LRP1B: variants seen among roughly 807,000 people sequenced by gnomAD.
LRP1B encodes the protein LDL receptor related protein 1B.
A neutral mutation model predicts 556.6 loss-of-function variants in LRP1B; 217 were observed. The ratio of observed to expected loss-of-function variants is 0.39; its 90% CI spans 0.35 to 0.44. The LOEUF (loss-of-function observed/expected upper bound fraction) is 0.44. LRP1B is among the 20% of genes least tolerant of loss of function. The pLI is 1.00. For synonymous variants in LRP1B, 2,047 were observed against 1,865.8 expected, an observed-to-expected ratio of 1.10 and a Z score of -2.50; for missense variants, 5,053 against 5,620.8, an observed-to-expected ratio of 0.90 and a Z score of 3.23.
chr2:141,645,469 CTTTTTTTTTTTTT>C (rs750147915), intron 2 of LRP1B, among the ~76,000 whole-genome samples: 13 of 48,402 alleles, frequency 2.7e-4, no homozygotes, highest in Middle Eastern at 0.017. Flanking sequence ...GAAGACAAGG[CTTTTTTTTTTTTT>C]TTTTTTTTTT....
chr2:142,053,821 C>G (rs1471287991), intron 1 of LRP1B, among the ~76,000 whole-genome samples: 1 of 152,140 alleles, frequency 6.6e-6, no homozygotes, highest in Non-Finnish European at 1.5e-5. Context: ...GGTCCAGTCT[C>G]TTGACACTAA....
At chr2:140,447,828 C>T (rs2105309730) in intron 63 of LRP1B, among the ~76,000 whole-genome samples, 1 of 152,016 alleles carries the variant, frequency 6.6e-6, no homozygotes, top group East Asian at 1.9e-4. Context: ...CACTTAGAGA[C>T]CATTGTGGGC....
chr2:140,433,866 T>G (rs1686058524), intron 66 of LRP1B, among the ~76,000 whole-genome samples: 1 of 151,392 alleles, frequency 6.6e-6, no homozygotes, highest in African/African-American at 2.4e-5. Context: ...TCAGTCAAAA[T>G]GCAAGGGTAT....
At chr2:140,379,042 G>T (rs1273531123) in intron 67 of LRP1B, among the ~76,000 whole-genome samples, 1 of 152,200 alleles carries the variant, frequency 6.6e-6, no homozygotes, top group Admixed American at 6.5e-5. Flanking sequence ...GGAAAATGAA[G>T]TAGGATTTCA....
chr2:141,916,358 T>TATTTA (rs1700032025), intron 1 of LRP1B, among the ~76,000 whole-genome samples: 1 of 149,196 alleles, frequency 6.7e-6, no homozygotes, highest in Admixed American at 6.7e-5. Context: ...CTTATTTATT[T>TATTTA]ATTTATTTAT....
chr2:141,227,548 C>T (rs889022039), intron 6 of LRP1B, among the ~76,000 whole-genome samples: 1 of 152,148 alleles, frequency 6.6e-6, no homozygotes, highest in East Asian at 1.9e-4. Context: ...ATGACCATTT[C>T]TCCATAGAAT....
At chr2:141,621,432 G>T (rs1232289748) in intron 2 of LRP1B, among the ~76,000 whole-genome samples, 1 of 152,088 alleles carries the variant, frequency 6.6e-6, no homozygotes, top group Non-Finnish European at 1.5e-5. Context: ...ATACAGAGAT[G>T]AATTCAGGCA....
At chr2:141,331,454 C>T (rs979107080) in intron 3 of LRP1B, among the ~76,000 whole-genome samples, 8 of 148,758 alleles carry the variant, frequency 5.4e-5, no homozygotes, top group African/African-American at 1.8e-4. Context: ...GCTGAGGAGC[C>T]ATGAGCTCAG....
At chr2:141,338,239 C>A in intron 3 of LRP1B, among the ~76,000 whole-genome samples, 1 of 152,224 alleles carries the variant, frequency 6.6e-6, no homozygotes, top group East Asian at 1.9e-4. Flanking sequence ...TCTGTGGGAC[C>A]CCATTACCAC....
chr2:141,226,132 AC>A (rs397813554), intron 6 of LRP1B, among the ~76,000 whole-genome samples: 1 of 151,468 alleles, frequency 6.6e-6, no homozygotes, highest in Admixed American at 6.6e-5. Context: ...CCCAAAAAAA[AC>A]CAAAAGAATA....
At chr2:140,468,135 GC>G (rs1687622639) in intron 60 of LRP1B, among the ~76,000 whole-genome samples, 1 of 152,228 alleles carries the variant, frequency 6.6e-6, no homozygotes, top group South Asian at 2.1e-4. Context: ...AGGCTCAGAA[GC>G]AGAACAATTT....
At chr2:140,277,158 A>G (rs1682708977) in intron 84 of LRP1B, among the ~76,000 whole-genome samples, 1 of 151,970 alleles carries the variant, frequency 6.6e-6, no homozygotes, top group African/African-American at 2.4e-5. Context: ...CTGGAGGTTG[A>G]TGAATGTCCA....
At chr2:141,821,144 G>A (rs1400563267) in intron 1 of LRP1B, among the ~76,000 whole-genome samples, 2 of 152,208 alleles carry the variant, frequency 1.3e-5, no homozygotes, top group Non-Finnish European at 2.9e-5. Flanking sequence ...ATCACCTAGA[G>A]CCTCCAAAAG....
chr2:141,917,236 T>C (rs191793331), intron 1 of LRP1B, among the ~76,000 whole-genome samples: 8 of 152,190 alleles, frequency 5.3e-5, no homozygotes. Context: ...ACAAGAGAAA[T>C]AGGGTAAAGT....
intron 43 of LRP1B, among the ~76,000 whole-genome samples, chr2:140,557,682 T>C (rs1680784133): frequency 6.6e-6 from 1 of 152,196 alleles, no homozygotes; most frequent in Non-Finnish European, 1.5e-5. Flanking sequence ...GTCTTTGTAT[T>C]GGCTGTTCTC....
chr2:141,313,706 C>T (rs183072603), intron 3 of LRP1B, among the ~76,000 whole-genome samples: 38 of 152,274 alleles, frequency 2.5e-4, no homozygotes, highest in African/African-American at 8.7e-4. Flanking sequence ...TTAGTGATCA[C>T]TGCAAGTGGG....
intron 1 of LRP1B, among the ~76,000 whole-genome samples, chr2:141,930,851 T>C (rs1700480574): frequency 6.6e-6 from 1 of 152,072 alleles, no homozygotes; most frequent in Non-Finnish European, 1.5e-5. Context: ...CTCCAGAATC[T>C]CTTAGCCTTA....
chr2:140,709,450 G>GGAAGAA (rs70988418), intron 37 of LRP1B, among the ~76,000 whole-genome samples: 8 of 150,896 alleles, frequency 5.3e-5, no homozygotes, highest in South Asian at 2.1e-4. Flanking sequence ...AGGAGCAGGA[G>GGAAGAA]GAAGAAGAAG....
chr2:141,531,013 GAACAT>G (rs1173785340), intron 2 of LRP1B, among the ~76,000 whole-genome samples: 1 of 150,894 alleles, frequency 6.6e-6, no homozygotes, highest in Non-Finnish European at 1.5e-5. Context: ...AGCAAAGAAA[GAACAT>G]AATAAGATTT....
Sources: gnomAD v4.1 joint callset for allele counts (sites outside exome capture counted in the v4.1 genomes callset) on GRCh38, gnomAD v4.1.1 for gene constraint, MANE v1.5 for transcripts, NCBI Gene and HGNC (gene_info 2026-07-23, HGNC 2026-07-21) for gene names.